Variants in CHCHD3 observed in about 807,000 individuals in gnomAD.
CHCHD3 encodes coiled-coil-helix-coiled-coil-helix domain containing 3.
A neutral mutation model predicts 38.2 loss-of-function variants in CHCHD3; 20 were observed. The ratio of observed to expected loss-of-function variants is 0.52; its 90% CI spans 0.37 to 0.76. The LOEUF (loss-of-function observed/expected upper bound fraction) is 0.76. CHCHD3 is among the 30% of genes least tolerant of loss of function. The probability of loss-of-function intolerance (pLI) is 0.00; values close to 1 mark genes in which losing one functional copy is unlikely to be tolerated. For synonymous variants in CHCHD3, 82 were observed against 100.0 expected (o/e 0.82, Z 1.07); for missense variants, 245 against 279.2 (o/e 0.88, Z 0.87).
intron 4 of CHCHD3, among the ~76,000 whole-genome samples, chr7:132,961,726 G>C (rs1811326461): frequency 6.6e-6 from 1 of 152,148 alleles, no homozygotes; most frequent in African/African-American, 2.4e-5. Context: ...TCGATCCACA[G>C]AACTTATTCA....
chr7:132,820,130 G>GT (rs764455775), intron 6 of CHCHD3, among the ~76,000 whole-genome samples: 2 of 151,848 alleles, frequency 1.3e-5, no homozygotes, highest in Non-Finnish European at 2.9e-5. Flanking sequence ...AAGGCAAGCT[G>GT]TTAAAAAAAA....
intron 4 of CHCHD3, among the ~76,000 whole-genome samples, chr7:132,924,821 C>T (rs1023407115): frequency 3.9e-5 from 6 of 152,148 alleles, no homozygotes; most frequent in Non-Finnish European, 7.4e-5. Flanking sequence ...TTAAAACACA[C>T]GTACACATAC....
chr7:133,024,547 G>A lies in CHCHD3; in HGVS notation c.250C>T (p.Arg84Ter), dbSNP rs889393988. ...QAKKESEDQK[R>*]LKQAKELDRE... ...TCTCTCTGATACCACAAAACTCACCGTTTCTGATCTTCGGATTCTTTCTTG... is the reference window on the plus strand; with the variant it reads ...TCTCTCTGATACCACAAAACTCACCATTTCTGATCTTCGGATTCTTTCTTG... The change falls in exon 3 of 8, where the codon CGA becomes TGA. Residue 84 changes from arginine (R) to a stop codon, truncating the protein, a stop_gained and splice_region_variant. Transcript: ENST00000262570. LOFTEE classifies it high-confidence loss of function. 2 of 1,610,856 alleles carry A rather than the reference G, an allele frequency of 1.2e-6. No homozygotes were observed. The highest frequency in any genetic ancestry group is 1.7e-6 in the Non-Finnish European group (2 of 1,177,372).
At chr7:132,989,580 C>G (rs1812215060) in intron 3 of CHCHD3, among the ~76,000 whole-genome samples, 1 of 152,200 alleles carries the variant, frequency 6.6e-6, no homozygotes. Context: ...CAAGTACCAC[C>G]TGTCCTGGAT....
chr7:132,885,530 C>G (rs1243773866), intron 5 of CHCHD3, 132 bp downstream of exon 5: 1 of 654,768 alleles, frequency 1.5e-6, no homozygotes, highest in Non-Finnish European at 2.5e-6. Context: ...TAACTACCTG[C>G]TTTGCTTCTT....
At chr7:133,034,712 A>G (rs1341824549) in intron 2 of CHCHD3, 3 of 1,613,342 alleles carry the variant, frequency 1.9e-6, no homozygotes, top group Non-Finnish European at 2.5e-6. Flanking sequence ...CTCTGCCAGG[A>G]TCCAGTTTCC....
intron 6 of CHCHD3, among the ~76,000 whole-genome samples, chr7:132,821,284 A>G (rs1162568482): frequency 1.3e-5 from 2 of 152,214 alleles, no homozygotes; most frequent in East Asian, 3.8e-4. Context: ...TTTAATTCCA[A>G]TATAACAGCT....
At chr7:132,953,050 T>A (rs1811069190) in intron 4 of CHCHD3, among the ~76,000 whole-genome samples, 1 of 152,188 alleles carries the variant, frequency 6.6e-6, no homozygotes, top group South Asian at 2.1e-4. Flanking sequence ...AAGGACTGTT[T>A]AAACGGCAAG....
chr7:132,936,389 G>A (rs970794262), intron 4 of CHCHD3, among the ~76,000 whole-genome samples: 6 of 152,096 alleles, frequency 3.9e-5, no homozygotes, highest in African/African-American at 7.2e-5. Context: ...AAAAGCTTGC[G>A]GTTGCAAAAG....
intron 5 of CHCHD3, among the ~76,000 whole-genome samples, chr7:132,883,669 C>T (rs1809131014): frequency 1.3e-5 from 2 of 152,138 alleles, no homozygotes; most frequent in Non-Finnish European, 2.9e-5. Flanking sequence ...TCTCTGATTC[C>T]ACATTACAAA....
chr7:132,975,163 A>G lies in CHCHD3; in HGVS notation c.369+6T>C. 1.2e-6 allele frequency: 2 copies of G among 1,608,352 alleles called. No homozygotes were observed. The highest frequency in any genetic ancestry group is 1.7e-6 in the Non-Finnish European group (2 of 1,176,654). On this transcript the variant is annotated splice_donor_region_variant and intron_variant, in intron 4 of 7. Transcript: ENST00000262570. The stretch of plus-strand genomic sequence containing the variant: ...AGAAAATTTCTCCTACATTTTTAAT[A>G]CTCACCAGGTGCTTTGCCTTAGCGC...
Position 132,796,487 on chromosome 7 carries a change from G to A in CHCHD3, c.615C>T (p.Ser205=), listed in dbSNP as rs17353298. The A allele has an allele frequency of 0.015, 24,259 of 1,613,858 alleles. 241 individuals carry two copies. Among genetic ancestry groups the A allele is most frequent in the South Asian group, 0.024 (2,228 of 91,064 alleles). ...RENTHQTLKC[S]ALATQYMHCV... The stretch of plus-strand genomic sequence containing the variant: ...AGTGCATATACTGGGTGGCCAGAGC[G>A]GAGCATTTGAGGGTCTGGTGGGTGT... Residue 205 remains serine, a synonymous_variant, in exon 7 of 8, where the codon TCC becomes TCT. Transcript: ENST00000262570.
chr7:132,793,145 G>A (rs1806508244), intron 7 of CHCHD3, among the ~76,000 whole-genome samples: 2 of 152,166 alleles, frequency 1.3e-5, no homozygotes, highest in African/African-American at 4.8e-5. Flanking sequence ...GTGTGCATAA[G>A]CATGCCTGTT....
intron 6 of CHCHD3, among the ~76,000 whole-genome samples, chr7:132,811,114 A>T (rs1449198369): frequency 1.3e-5 from 2 of 152,180 alleles, no homozygotes; most frequent in Non-Finnish European, 2.9e-5. Context: ...CATCTTCCCA[A>T]CATAAGATCT....
intron 4 of CHCHD3, among the ~76,000 whole-genome samples, chr7:132,974,388 G>A (rs1324738813): frequency 6.6e-6 from 1 of 152,008 alleles, no homozygotes; most frequent in Admixed American, 6.5e-5. Context: ...AATTATCTTA[G>A]AAAAGACTGT....
At chr7:132,837,861 A>G (rs1413586022) in intron 6 of CHCHD3, among the ~76,000 whole-genome samples, 1 of 152,232 alleles carries the variant, frequency 6.6e-6, no homozygotes, top group Non-Finnish European at 1.5e-5. Flanking sequence ...CATCAATTAC[A>G]GAACATTCAT....
chr7:132,837,352 A>G (rs1458883152), intron 6 of CHCHD3, among the ~76,000 whole-genome samples: 1 of 152,164 alleles, frequency 6.6e-6, no homozygotes, highest in African/African-American at 2.4e-5. Context: ...AGTTCTATTA[A>G]TATGTCTAAA....
At chr7:132,865,182 G>A (rs1352451466) in intron 5 of CHCHD3, among the ~76,000 whole-genome samples, 1 of 152,204 alleles carries the variant, frequency 6.6e-6, no homozygotes, top group Non-Finnish European at 1.5e-5. Flanking sequence ...CCCATGCTAA[G>A]GATGAGGAGT....
intron 2 of CHCHD3, among the ~76,000 whole-genome samples, chr7:133,061,685 T>A (rs1422226261): frequency 6.6e-6 from 1 of 152,230 alleles, no homozygotes; most frequent in Non-Finnish European, 1.5e-5. Context: ...TTATCATGAC[T>A]ACCCTGTAAC....
Sources: gnomAD v4.1 joint callset for allele counts (sites outside exome capture counted in the v4.1 genomes callset) on GRCh38, gnomAD v4.1.1 for gene constraint, MANE v1.5 for transcripts, NCBI Gene and HGNC (gene_info 2026-07-23, HGNC 2026-07-21) for gene names.